The following SLC12A7 variants were observed in gnomAD, a reference collection of about 807,000 sequenced individuals.
SLC12A7 encodes the protein K-Cl cotransporter 4.
Under a neutral mutation model 120.6 loss-of-function variants are expected in SLC12A7, and 100 were observed. The observed-to-expected ratio is 0.83, with a 90% confidence interval of 0.71 to 0.98. SLC12A7 has a LOEUF of 0.98. Ranked by LOEUF, SLC12A7 falls within the 50% of genes least tolerant of loss-of-function variation. The pLI, the probability that SLC12A7 is intolerant of heterozygous loss-of-function variation, is 0.00. For synonymous variants in SLC12A7, 760 were observed against 678.0 expected (o/e 1.12, Z -1.88); for missense variants, 1,373 against 1,548.1 (o/e 0.89, Z 1.90).
At chr5:1,100,861 T>C (rs1374912700) in intron 1 of SLC12A7, among the ~76,000 whole-genome samples, 3 of 152,156 alleles carry the variant, frequency 2.0e-5, no homozygotes, top group Non-Finnish European at 4.4e-5. Context: ...GAACTTGGTG[T>C]CTGTCACGTT....
intron 8 of SLC12A7, among the ~76,000 whole-genome samples, chr5:1,082,491 C>T (rs1256491926): frequency 2.1e-4 from 29 of 139,402 alleles, no homozygotes; most frequent in African/African-American, 7.7e-4. Context: ...CCGGGCTTCC[C>T]CGTCTCGGGT....
intron 1 of SLC12A7, among the ~76,000 whole-genome samples, chr5:1,109,574 G>A (rs954829668): frequency 6.6e-5 from 10 of 152,246 alleles, no homozygotes; most frequent in Non-Finnish European, 1.5e-4. Context: ...CAGGGGTCGG[G>A]GACAGAAGGC....
Position 1,083,918 on chromosome 5 carries a change from CTGCGCCG to C in SLC12A7, c.949_955del (p.Arg317AlafsTer113). 6.2e-7 allele frequency: 1 copy of C among 1,606,438 alleles called. No individual in the cohort carries two copies. ...GTAGGCCTTGACGCAGGCATCGAAGCTGCGCCGTGACAGCGTGCGGTTCCCCAGGAGG... is the reference window on the plus strand; with the variant it reads ...GTAGGCCTTGACGCAGGCATCGAAGCTGACAGCGTGCGGTTCCCCAGGAGG... On this transcript the variant is annotated frameshift_variant, in exon 8 of 24. Coordinates refer to ENST00000264930, the MANE Select transcript of SLC12A7 (RefSeq NM_006598.3). LOFTEE classifies it high-confidence loss of function.
the SLC12A7 span, among the ~76,000 whole-genome samples, chr5:1,119,909 C>T: frequency 2.0e-5 from 3 of 152,330 alleles, no homozygotes; most frequent in African/African-American, 4.8e-5. Context: ...TGCCTCCCCG[C>T]AAAAATCCAG....
In SLC12A7 at chr5:1,085,334, T is replaced by C. The variant is rs1315967359; in HGVS notation, c.815A>G (p.Tyr272Cys). ...MALVVFVGVK[Y>C]VNKLALVFLA... ...GAAGACCAGCGCCAGCTTGTTGACA[T>C]ACTTGACGCCCACGAAGACCACCAG... Residue 272 changes from tyrosine (Y) to cysteine (C), a missense_variant, in exon 7 of 24, where the codon TAT (tyrosine) becomes TGT (cysteine). Tyr to Cys is a radical substitution (Grantham distance 194, BLOSUM62 -2). Coordinates refer to ENST00000264930, the MANE Select transcript of SLC12A7 (RefSeq NM_006598.3). 2.5e-6 allele frequency: 4 copies of C among 1,612,570 alleles called. No individual in the cohort carries two copies. The highest frequency in any genetic ancestry group is 2.5e-6 in the Non-Finnish European group (3 of 1,179,832).
the SLC12A7 span, among the ~76,000 whole-genome samples, chr5:1,118,279 C>A: frequency 4.2e-4 from 64 of 152,346 alleles, no homozygotes; most frequent in African/African-American, 1.3e-3. Context: ...ATTCCCCTGT[C>A]TTGATCCATC....
chr5:1,052,371 T>C lies in SLC12A7; in HGVS notation c.3241A>G (p.Ile1081Val), dbSNP rs142901767. ...VRGGGREVIT[I>V]YS The stretch of plus-strand genomic sequence containing the variant: ...GATGCTGTTGGGCATTAGGAGTAGA[T>C]GGTGATCACCTCCCGGCCGCCACCC... Residue 1081 changes from isoleucine to valine, a missense_variant, in exon 24 of 24, where the codon ATC becomes GTC. Coordinates refer to ENST00000264930, the MANE Select transcript of SLC12A7 (RefSeq NM_006598.3). 172 of 1,612,568 alleles carry C rather than the reference T, an allele frequency of 1.1e-4. No homozygotes were observed. Among genetic ancestry groups the C allele is most frequent in the Non-Finnish European group, 1.4e-4 (166 of 1,179,834 alleles).
At chr5:1,150,642 T>G in the SLC12A7 span, among the ~76,000 whole-genome samples, 1 of 152,262 alleles carries the variant, frequency 6.6e-6, no homozygotes, top group African/African-American at 2.4e-5. Flanking sequence ...AGCATTTTCT[T>G]TTAAAGCCAA....
At chr5:1,065,031 AGGGGACAGCGAGGGGAGGCAGAG>A (rs1736861881) in intron 18 of SLC12A7, among the ~76,000 whole-genome samples, 1 of 81,408 alleles carries the variant, frequency 1.2e-5, no homozygotes, top group African/African-American at 4.8e-5. Context: ...CGGGACAGTG[AGGGGACAGCGAGGGGAGGCAGAG>A]GGGGACAGTG....
Position 1,075,395 on chromosome 5 carries a change from A to T in SLC12A7, c.1943T>A (p.Ile648Asn). The T allele has an allele frequency of 6.2e-7, 1 of 1,612,232 alleles. No homozygotes were observed. Among genetic ancestry groups the T allele is most frequent in the Non-Finnish European group, 8.5e-7 (1 of 1,179,438 alleles). ...CCCGCGGTACTCGATGTACTTGTAG[A>T]TGCAGCCAGCGATGAGCATGGCGGA... ...ALSAMLIAGC[I>N]YKYIEYRGAE... Residue 648 changes from isoleucine to asparagine, a missense_variant, in exon 15 of 24, where the codon ATC becomes AAC. Coordinates refer to ENST00000264930, the MANE Select transcript of SLC12A7 (RefSeq NM_006598.3).
intron 23 of SLC12A7, 149 bp downstream of exon 23, chr5:1,053,200 C>CA (rs1338532920): frequency 9.7e-7 from 1 of 1,030,846 alleles, no homozygotes; most frequent in African/African-American, 1.6e-5. Context: ...CTCAGAGCCC[C>CA]ACTGCATCCC....
At chr5:1,054,148 G>A (rs1735351142) in intron 22 of SLC12A7, among the ~76,000 whole-genome samples, 2 of 152,176 alleles carry the variant, frequency 1.3e-5, no homozygotes. Context: ...CCCCTCCTAC[G>A]GCCCACCCTG....
chr5:1,065,673 T>C (rs1736977631), intron 17 of SLC12A7, among the ~76,000 whole-genome samples, 195 bp from the exon 18 acceptor site: 1 of 152,056 alleles, frequency 6.6e-6, no homozygotes, highest in Non-Finnish European at 1.5e-5. Flanking sequence ...GCTCACACAC[T>C]GGGGAGAGAG....
chr5:1,054,786 C>T (rs1026462670), intron 22 of SLC12A7, among the ~76,000 whole-genome samples: 4 of 152,234 alleles, frequency 2.6e-5, no homozygotes, highest in Admixed American at 6.5e-5. Flanking sequence ...CACCAATTTC[C>T]AGGAGGAACA....
chr5:1,094,054 C>A (rs1740839024), intron 2 of SLC12A7, 100 bp downstream of exon 2: 2 of 866,888 alleles, frequency 2.3e-6, no homozygotes, highest in South Asian at 1.4e-5. Context: ...GGTGTCCAGT[C>A]CTGTGGGAGG....
At chr5:1,052,905 C>T (rs574675927) in intron 23 of SLC12A7, among the ~76,000 whole-genome samples, 4 of 152,356 alleles carry the variant, frequency 2.6e-5, no homozygotes, top group East Asian at 1.9e-4. Context: ...AGATGCACTG[C>T]GGAGTTCTCC....
Position 1,062,604 on chromosome 5 carries a change from G to A in SLC12A7, c.2739+1240C>T, listed in dbSNP as rs142153280. On this transcript the variant is annotated intron_variant, in intron 20 of 23. Transcript: ENST00000264930. The stretch of plus-strand genomic sequence containing the variant: ...AAGGTTGTCGGTGAGGCACGAAGCC[G>A]TGCCTGGCCTCACTCACAGCCCGAC... Among the ~76,000 whole-genome samples, 164 of 149,886 alleles carry A rather than the reference G, an allele frequency of 1.1e-3. 2 individuals carry two copies. The East Asian group carries it at 0.027, about 25-fold the overall frequency.
intron 1 of SLC12A7, among the ~76,000 whole-genome samples, chr5:1,102,937 C>T (rs1375488303): frequency 1.3e-5 from 2 of 152,148 alleles, no homozygotes; most frequent in African/African-American, 4.8e-5. Flanking sequence ...CCCAGGAACA[C>T]TCCCAACCCC....
At chr5:1,108,891 G>A (rs1029091599) in intron 1 of SLC12A7, among the ~76,000 whole-genome samples, 3 of 152,214 alleles carry the variant, frequency 2.0e-5, no homozygotes, top group Non-Finnish European at 2.9e-5. Context: ...CTCTGTCAGC[G>A]GCCAGGGGCA....
Sources: allele counts gnomAD v4.1 joint callset (sites outside exome capture counted in the v4.1 genomes callset), GRCh38; gene constraint gnomAD v4.1.1; transcripts MANE v1.5; gene names NCBI Gene and HGNC (gene_info 2026-07-23, HGNC 2026-07-21).